GPR158: variants seen among roughly 807,000 people sequenced by gnomAD.
GPR158 encodes metabotropic glycine receptor.
Under a neutral mutation model 78.2 loss-of-function variants are expected in GPR158, and 30 were observed. The ratio of observed to expected loss-of-function variants is 0.38; its 90% CI spans 0.29 to 0.52. The LOEUF (loss-of-function observed/expected upper bound fraction) is 0.52, where lower values mean the gene tolerates loss of function less well. GPR158 is among the 20% of genes least tolerant of loss of function. The pLI, the probability that GPR158 is intolerant of heterozygous loss-of-function variation, is 0.83. For missense variants in GPR158, 1,463 were observed against 1,523.5 expected (o/e 0.96, Z 0.66); for synonymous variants, 581 against 591.1 (o/e 0.98, Z 0.25).
intron 1 of GPR158, among the ~76,000 whole-genome samples, chr10:25,177,474 A>G (rs1852554390): frequency 6.6e-6 from 1 of 152,096 alleles, no homozygotes; most frequent in Non-Finnish European, 1.5e-5. Flanking sequence ...TGTGTGGATT[A>G]TTTATTATTT....
intron 2 of GPR158, among the ~76,000 whole-genome samples, chr10:25,241,169 CTTTCTTT>C (rs1177836431): frequency 9.1e-6 from 1 of 110,122 alleles, no homozygotes; most frequent in Non-Finnish European, 1.8e-5. Flanking sequence ...TTCTTTCTTT[CTTTCTTT>C]CTTTCTTTCT....
chr10:25,377,848 T>G (rs1020246288), intron 2 of GPR158, among the ~76,000 whole-genome samples: 2 of 152,106 alleles, frequency 1.3e-5, no homozygotes, highest in African/African-American at 4.8e-5. Context: ...TTTTTGTGCA[T>G]ATTTTTATGT....
At chr10:25,179,099 T>C (rs1434844186) in intron 1 of GPR158, among the ~76,000 whole-genome samples, 1 of 152,214 alleles carries the variant, frequency 6.6e-6, no homozygotes, top group Non-Finnish European at 1.5e-5. Flanking sequence ...TGAGATAATA[T>C]TAAAATGGGC....
At chr10:25,211,124 C>A (rs1853123046) in intron 1 of GPR158, among the ~76,000 whole-genome samples, 1 of 148,542 alleles carries the variant, frequency 6.7e-6, no homozygotes, top group South Asian at 2.2e-4. Context: ...GAGGGAGAGA[C>A]TGTCTCAAGA....
intron 4 of GPR158, among the ~76,000 whole-genome samples, chr10:25,441,176 C>T (rs1358124448): frequency 2.0e-5 from 3 of 152,104 alleles, no homozygotes; most frequent in African/African-American, 4.8e-5. Context: ...CTCTCTTTAT[C>T]CATAGAATTT....
intron 5 of GPR158, among the ~76,000 whole-genome samples, chr10:25,498,410 T>C (rs1300638593): frequency 6.6e-6 from 1 of 152,184 alleles, no homozygotes; most frequent in East Asian, 1.9e-4. Flanking sequence ...TGGTCACACA[T>C]TGGAAGCATC....
chr10:25,398,291 A>C (rs1834394394), intron 3 of GPR158, among the ~76,000 whole-genome samples: 1 of 152,238 alleles, frequency 6.6e-6, no homozygotes, highest in Non-Finnish European at 1.5e-5. Flanking sequence ...GCAAATATAC[A>C]ATAGCAATCC....
chr10:25,562,910 TTC>T (rs1392223218), intron 6 of GPR158, among the ~76,000 whole-genome samples: 1 of 152,218 alleles, frequency 6.6e-6, no homozygotes, highest in East Asian at 1.9e-4. Context: ...AACTATCTTT[TTC>T]TCTCATCAGT....
intron 5 of GPR158, among the ~76,000 whole-genome samples, chr10:25,471,387 C>A (rs997603298): frequency 6.6e-6 from 1 of 152,106 alleles, no homozygotes; most frequent in African/African-American, 2.4e-5. Context: ...GGTTCCAAGT[C>A]TTTGCTATTG....
intron 1 of GPR158, among the ~76,000 whole-genome samples, chr10:25,215,382 G>A (rs892000022): frequency 3.9e-5 from 6 of 152,040 alleles, no homozygotes; most frequent in African/African-American, 1.4e-4. Flanking sequence ...GAGGAATAGG[G>A]ATTTGTCATT....
chr10:25,253,563 T>G (rs890476784), intron 2 of GPR158, among the ~76,000 whole-genome samples: 2 of 152,216 alleles, frequency 1.3e-5, no homozygotes, highest in African/African-American at 4.8e-5. Context: ...AGAATCTTCT[T>G]TGACACAGGC....
chr10:25,212,103 A>G (rs1853139540), intron 1 of GPR158, among the ~76,000 whole-genome samples: 1 of 152,172 alleles, frequency 6.6e-6, no homozygotes, highest in African/African-American at 2.4e-5. Context: ...TTTTATTTCA[A>G]TGAATTATCC....
chr10:25,599,201 C>T lies in GPR158; in HGVS notation c.3575C>T (p.Ala1192Val), dbSNP rs1360437501. 1.9e-6 allele frequency: 3 copies of T among 1,611,996 alleles called. No individual in the cohort carries two copies. Among genetic ancestry groups the T allele is most frequent in the Non-Finnish European group, 2.5e-6 (3 of 1,179,728 alleles). ...GCTGGAAGAAGTGTAGCTTTACCTGCCTCTTCTGCTCTAAGTGCAAATAAG... is the reference window on the plus strand; with the variant it reads ...GCTGGAAGAAGTGTAGCTTTACCTGTCTCTTCTGCTCTAAGTGCAAATAAG... ...PNAGRSVALPASSALSANKIA... is the reference protein window; with the variant it reads ...PNAGRSVALPVSSALSANKIA... The change falls in exon 11 of 11, where the codon GCC becomes GTC. Residue 1192 changes from alanine to valine, a missense_variant. Coordinates refer to ENST00000376351, the MANE Select transcript of GPR158 (RefSeq NM_020752.3).
At chr10:25,338,455 ATATATTACG>A (rs1855246890) in intron 2 of GPR158, among the ~76,000 whole-genome samples, 1 of 136,858 alleles carries the variant, frequency 7.3e-6, no homozygotes, top group Admixed American at 7.2e-5. Flanking sequence ...TACGTAATAT[ATATATTACG>A]TATATTATAC....
chr10:25,411,300 G>C (rs1834581238), intron 3 of GPR158, among the ~76,000 whole-genome samples: 1 of 152,112 alleles, frequency 6.6e-6, no homozygotes, highest in Non-Finnish European at 1.5e-5. Context: ...TGCAAAGTGG[G>C]AAATTACATG....
intron 2 of GPR158, among the ~76,000 whole-genome samples, chr10:25,251,887 T>G (rs973709438): frequency 6.6e-6 from 1 of 152,022 alleles, no homozygotes; most frequent in Admixed American, 6.6e-5. Context: ...GAAGTTCTCC[T>G]GGATAATATC....
At position 25,550,987 on chromosome 10, in the gene GPR158, G is replaced by C. The variant is rs768733241; in HGVS notation, c.1416G>C (p.Leu472Phe). 4 of 1,590,696 alleles carry C rather than the reference G, an allele frequency of 2.5e-6. No homozygotes were observed. Among genetic ancestry groups the C allele is most frequent in the Admixed American group, 1.7e-5 (1 of 59,894 alleles). Residue 472 changes from leucine (L) to phenylalanine (F), a missense_variant, in exon 6 of 11, where the codon TTG (leucine) becomes TTC (phenylalanine). Transcript: ENST00000376351. Reference sequence around the variant, plus strand: ...TTTTCATCCCACAGGTTGTTATTTTGTACTTTGAGCCAAGCACATTTCGCT... The same window carrying C: ...TTTTCATCCCACAGGTTGTTATTTTCTACTTTGAGCCAAGCACATTTCGCT... The part of the protein sequence containing the change: ...SLLLYFPVVI[L>F]YFEPSTFRCI...
intron 6 of GPR158, among the ~76,000 whole-genome samples, chr10:25,563,836 T>A (rs1043922806): frequency 7.2e-5 from 11 of 152,146 alleles, no homozygotes; most frequent in Admixed American, 2.0e-4. Context: ...TGCAAAAAAA[T>A]TTTTAATAAA....
intron 2 of GPR158, among the ~76,000 whole-genome samples, chr10:25,346,103 G>T (rs1214469744): frequency 6.6e-6 from 1 of 151,814 alleles, no homozygotes. Flanking sequence ...ACTTAGCAAG[G>T]CTGCTCTTAT....
Sources: allele counts gnomAD v4.1 joint callset (sites outside exome capture counted in the v4.1 genomes callset), GRCh38; gene constraint gnomAD v4.1.1; transcripts MANE v1.5; gene names NCBI Gene and HGNC (gene_info 2026-07-23, HGNC 2026-07-21).